The following BAIAP3 variants were observed in gnomAD, a reference collection of about 807,000 sequenced individuals.
The protein encoded by BAIAP3 is BAI1 associated protein 3.
In BAIAP3, 180 loss-of-function variants were observed where a neutral mutation model predicts 149.7. The observed-to-expected ratio is 1.20, with a 90% CI of 1.07 to 1.36. The LOEUF (loss-of-function observed/expected upper bound fraction) is 1.36, where lower values mean the gene tolerates loss of function less well. Among genes scored for constraint, BAIAP3 ranks in the 40% most tolerant of loss-of-function variants. The pLI, the probability that BAIAP3 is intolerant of heterozygous loss-of-function variation, is 0.00. For missense variants in BAIAP3, 1,767 were observed against 1,563.4 expected (o/e 1.13, Z -2.20); for synonymous variants, 845 against 670.7 (o/e 1.26, Z -4.02).
At chr16:1,336,443 G>A (rs1433670591) in intron 1 of BAIAP3, 27 of 949,366 alleles carry the variant, frequency 2.8e-5, no homozygotes, top group Non-Finnish European at 3.1e-5. Context: ...GGTGGGAGAC[G>A]CAAACCCTCC....
Position 1,347,320 on chromosome 16 carries a change from C to T in BAIAP3, c.2774C>T (p.Ala925Val). The T allele has an allele frequency of 1.2e-6, 2 of 1,613,446 alleles. No homozygotes were observed. The highest frequency in any genetic ancestry group is 1.7e-6 in the Non-Finnish European group (2 of 1,179,946). ...CAGGCCCTGGTCAGTTTTTTCCACG[C>T]AGAGGGTCAGGGTTTGCCCCTGGAG... is the stretch of plus-strand genomic sequence containing the variant. ...TLEALVSFFH[A>V]EGQGLPLESL... Residue 925 changes from alanine (A) to valine (V), a missense_variant, in exon 29 of 34, where the codon GCA (alanine) becomes GTA (valine). By Grantham distance (64) the Ala-to-Val change is moderately conservative. Transcript: ENST00000426824.
At chr16:1,339,994 C>G (rs1281490849) in intron 5 of BAIAP3, among the ~76,000 whole-genome samples, 7 of 143,398 alleles carry the variant, frequency 4.9e-5, no homozygotes, top group Admixed American at 4.1e-4. Flanking sequence ...CAGGTGCATA[C>G]AGATGCACAC....
Position 1,344,468 on chromosome 16 carries a change from G to GAAC in BAIAP3, c.1603_1604insACA (p.Lys534_Arg535insAsn). ...TGCTGTCTTGGTGGTGTCTGTTGCA[G>GAAC]AGAGGCAACCGTGAGTGGTACGACA... On this transcript the variant is annotated inframe_insertion and splice_region_variant. Transcript: ENST00000426824. 1 of 1,613,490 alleles carries GAAC rather than the reference G, an allele frequency of 6.2e-7. No individual in the cohort carries two copies. The highest frequency in any genetic ancestry group is 8.5e-7 in the Non-Finnish European group (1 of 1,179,998).
intron 1 of BAIAP3, chr16:1,334,590 G>T: frequency 6.9e-7 from 1 of 1,446,922 alleles, no homozygotes; most frequent in African/African-American, 1.4e-5. Context: ...CTTGGCAGCC[G>T]TCTGAGGCTT....
chr16:1,344,850 G>T lies in BAIAP3; in HGVS notation c.1809+1G>T. 2 of 1,613,740 alleles carry T rather than the reference G, an allele frequency of 1.2e-6. No individual in the cohort carries two copies. Among genetic ancestry groups the T allele is most frequent in the East Asian group, 4.5e-5 (2 of 44,888 alleles). ...GACCTTCCGGCAGCTGGAGCGTCTG[G>T]TGAGGAGGGTCCCTGACCCCGGGTG... On this transcript the variant is annotated splice_donor_variant, in intron 20 of 33. Coordinates refer to ENST00000426824, the MANE Select transcript of BAIAP3 (RefSeq NM_001199097.2). LOFTEE classifies it high-confidence loss of function.
chr16:1,343,149 G>T, intron 14 of BAIAP3, 133 bp downstream of exon 14: 1 of 1,118,450 alleles, frequency 8.9e-7, no homozygotes, highest in Non-Finnish European at 1.3e-6. Context: ...TGAGTAGGTG[G>T]GGCTGCGCTG....
At chr16:1,341,591 T>C in intron 8 of BAIAP3, 102 bp downstream of exon 8, 2 of 1,427,544 alleles carry the variant, frequency 1.4e-6, no homozygotes, top group Middle Eastern at 5.1e-4. Flanking sequence ...CCCGGTCTCT[T>C]TGGGGCCGTG....
At chr16:1,338,703 C>A (rs949869964) in intron 2 of BAIAP3, 23 bp downstream of exon 2, 77 of 1,564,174 alleles carry the variant, frequency 4.9e-5, no homozygotes, top group Non-Finnish European at 6.1e-5. Context: ...GGGCCCAGCC[C>A]CACACGCCCA....
chr16:1,342,168 CTG>C lies in BAIAP3; in HGVS notation c.855-10_855-9del, dbSNP rs983481776. ...GAGCCATCAGCGTGATGCTCACCAC[CTG>C]TGGTGGCCAGGTACTTCAAACAGAT... On this transcript the variant is annotated splice_polypyrimidine_tract_variant and intron_variant, in intron 10 of 33. Coordinates refer to ENST00000426824, the MANE Select transcript of BAIAP3 (RefSeq NM_001199097.2). The C allele has an allele frequency of 6.3e-7, 1 of 1,591,128 alleles. No homozygotes were observed. Among genetic ancestry groups the C allele is most frequent in the African/African-American group, 1.3e-5 (1 of 74,520 alleles).
chr16:1,342,697 C>G (rs765770415), intron 12 of BAIAP3, 22 bp from the exon 13 acceptor site: 1 of 1,611,932 alleles, frequency 6.2e-7, no homozygotes, highest in African/African-American at 1.3e-5. Context: ...GAGCTGGTGA[C>G]TGGGTGGGCT....
At chr16:1,342,851 G>A in intron 13 of BAIAP3, 37 bp downstream of exon 13, 1 of 1,612,338 alleles carries the variant, frequency 6.2e-7, no homozygotes, top group Admixed American at 1.7e-5. Flanking sequence ...AGCCCGGCAG[G>A]GGGCCTGAGG....
intron 1 of BAIAP3, chr16:1,334,525 G>A (rs1346540734): frequency 2.8e-6 from 2 of 723,714 alleles, no homozygotes; most frequent in East Asian, 5.5e-5. Flanking sequence ...AGGGGAGGAA[G>A]AAGGCGCCTC....
At position 1,342,067 on chromosome 16, in the gene BAIAP3, T is replaced by A; in HGVS notation, c.854+4T>A. 6.3e-7 allele frequency: 1 copy of A among 1,599,636 alleles called. No homozygotes were observed. Among genetic ancestry groups the A allele is most frequent in the Non-Finnish European group, 8.5e-7 (1 of 1,172,982 alleles). ...TCGGCCTGAAGGGCATGGGCAGGTA[T>A]GACTGCTGGGACCTTTCTACCCATC... On this transcript the variant is annotated splice_donor_region_variant and intron_variant, in intron 10 of 33. Transcript: ENST00000426824.
At chr16:1,338,289 T>C (rs1024646810) in intron 1 of BAIAP3, among the ~76,000 whole-genome samples, 33 of 152,206 alleles carry the variant, frequency 2.2e-4, no homozygotes, top group African/African-American at 7.5e-4. Context: ...AGCCCCGCCT[T>C]TGACAGCATT....
Position 1,347,886 on chromosome 16 carries a change from T to C in BAIAP3, c.3026-8T>C. On this transcript the variant is annotated splice_polypyrimidine_tract_variant and splice_region_variant and intron_variant, in intron 31 of 33. Transcript: ENST00000426824. ...GGGGCAGGGGGGCTCACGACTGTGCTCCTGCAGGCTTAAGTGACCCCTTTG... is the reference window on the plus strand; with the variant it reads ...GGGGCAGGGGGGCTCACGACTGTGCCCCTGCAGGCTTAAGTGACCCCTTTG... 6.2e-7 allele frequency: 1 copy of C among 1,611,222 alleles called. No homozygotes were observed. Among genetic ancestry groups the C allele is most frequent in the Non-Finnish European group, 8.5e-7 (1 of 1,179,738 alleles).
chr16:1,335,787 G>C (rs1349276657), intron 1 of BAIAP3, among the ~76,000 whole-genome samples: 1 of 152,188 alleles, frequency 6.6e-6, no homozygotes, highest in African/African-American at 2.4e-5. Flanking sequence ...CTGCAGTTGG[G>C]GTCAGGGGGG....
rs370252159 is a variant in BAIAP3, at chr16:1,344,508, A to T, written c.1642A>T (p.Lys548Ter). 5 of 1,612,890 alleles carry T rather than the reference A, an allele frequency of 3.1e-6. No individual in the cohort carries two copies. In the African/African-American group the frequency reaches 6.7e-5, roughly 22 times the overall value. ...GTGGTACGACAGGATCCTGAATGACAAGAGTCCCCGAGAGCAGGTGCAGTT... is the reference window on the plus strand; with the variant it reads ...GTGGTACGACAGGATCCTGAATGACTAGAGTCCCCGAGAGCAGGTGCAGTT... Reference protein sequence around the residue: ...REWYDRILNDKSPREQPGPQR... With the variant: ...REWYDRILND The change falls in exon 18 of 34, where the codon AAG becomes TAG. Residue 548 changes from lysine (K) to a stop codon, truncating the protein, a stop_gained. Coordinates refer to ENST00000426824, the MANE Select transcript of BAIAP3 (RefSeq NM_001199097.2). LOFTEE classifies it high-confidence loss of function.
At chr16:1,334,166 C>T (rs571149290) in intron 1 of BAIAP3, among the ~76,000 whole-genome samples, 1 of 151,952 alleles carries the variant, frequency 6.6e-6, no homozygotes, top group Non-Finnish European at 1.5e-5. Flanking sequence ...CGGGCTGCAC[C>T]CCCCAGCGTC....
At position 1,344,640 on chromosome 16, in the gene BAIAP3, G is replaced by A. The variant is rs372927860; in HGVS notation, c.1699G>A (p.Asp567Asn). ...CCTGCCTGGGCTGGTTGTGCTGGCT[G>A]ACGCCGTCTATGATGACCTTCAGTT... is the stretch of plus-strand genomic sequence containing the variant. ...QRLPGLVVLADAVYDDLQFCY... is the reference protein window; with the variant it reads ...QRLPGLVVLANAVYDDLQFCY... Residue 567 changes from aspartate (D) to asparagine (N), a missense_variant, in exon 19 of 34, where the codon GAC (aspartate) becomes AAC (asparagine). Asp to Asn is a conservative substitution (Grantham distance 23, BLOSUM62 1). Transcript: ENST00000426824. 1.7e-5 allele frequency: 28 copies of A among 1,613,296 alleles called. No individual in the cohort carries two copies. Among genetic ancestry groups the A allele is most frequent in the Non-Finnish European group, 2.3e-5 (27 of 1,180,026 alleles).
Sources: allele counts gnomAD v4.1 joint callset (sites outside exome capture counted in the v4.1 genomes callset), GRCh38; gene constraint gnomAD v4.1.1; transcripts MANE v1.5; gene names NCBI Gene and HGNC (gene_info 2026-07-23, HGNC 2026-07-21).